APPL2: variants seen among roughly 807,000 people sequenced by gnomAD.
APPL2 encodes the protein DCC-interacting protein 13-beta.
APPL2 carries 84 observed loss-of-function variants against 92.7 expected under a neutral mutation model. That is an observed-to-expected ratio of 0.91 (90% confidence interval 0.76 to 1.09). The LOEUF is 1.09. Among genes scored for constraint, APPL2 ranks in the 50% least tolerant of loss-of-function variants. APPL2 has a pLI of 0.00. For synonymous variants in APPL2, 291 were observed against 291.0 expected (o/e 1.00, Z 0.00); for missense variants, 736 against 824.5 (o/e 0.89, Z 1.31).
At chr12:105,203,100 G>A (rs1366698553) in intron 9 of APPL2, among the ~76,000 whole-genome samples, 1 of 151,298 alleles carries the variant, frequency 6.6e-6, no homozygotes, top group Non-Finnish European at 1.5e-5. Context: ...CGTCGCAAGC[G>A]CTTGGGAAGC....
intron 8 of APPL2, among the ~76,000 whole-genome samples, chr12:105,205,880 G>A (rs184981913): frequency 2.3e-4 from 35 of 152,334 alleles, no homozygotes; most frequent in Non-Finnish European, 4.3e-4. Context: ...CAGCTCCCAA[G>A]ATCTGCTGAG....
chr12:105,198,116 G>A (rs1887828047), intron 10 of APPL2, among the ~76,000 whole-genome samples, 163 bp from the exon 11 acceptor site: 1 of 152,146 alleles, frequency 6.6e-6, no homozygotes, highest in African/African-American at 2.4e-5. Flanking sequence ...GCAGCAGAAG[G>A]GTACAATTTA....
intron 9 of APPL2, among the ~76,000 whole-genome samples, chr12:105,200,944 C>T (rs902320579): frequency 4.6e-5 from 7 of 151,838 alleles, no homozygotes; most frequent in South Asian, 2.1e-4. Context: ...AGTCTTGCTC[C>T]GCCACCCAGG....
At chr12:105,227,938 C>T (rs977060870) in intron 2 of APPL2, among the ~76,000 whole-genome samples, 2 of 152,198 alleles carry the variant, frequency 1.3e-5, no homozygotes, top group African/African-American at 4.8e-5. Context: ...TACAATCACC[C>T]TCCTTTTGCG....
At position 105,207,210 on chromosome 12, in the gene APPL2, G is replaced by C; in HGVS notation, c.475-3C>G. 1 of 1,609,790 alleles carries C rather than the reference G, an allele frequency of 6.2e-7. No homozygotes were observed. Among genetic ancestry groups the C allele is most frequent in the South Asian group, 1.1e-5 (1 of 90,330 alleles). On this transcript the variant is annotated splice_region_variant and splice_polypyrimidine_tract_variant and intron_variant, in intron 7 of 20. Coordinates refer to ENST00000258530, the MANE Select transcript of APPL2 (RefSeq NM_018171.5). ...TCTTTTCCGACTTCGGTCTTCACCT[G>C]GTTAAAAGGTGAAAGGAAAACTTCA...
chr12:105,189,750 G>A, intron 16 of APPL2, 22 bp downstream of exon 16: 1 of 1,612,746 alleles, frequency 6.2e-7, no homozygotes, highest in Non-Finnish European at 8.5e-7. Context: ...GAAAGAATAA[G>A]GACACCAAAC....
At chr12:105,212,512 G>T (rs1889309798) in intron 4 of APPL2, among the ~76,000 whole-genome samples, 1 of 152,218 alleles carries the variant, frequency 6.6e-6, no homozygotes, top group Admixed American at 6.5e-5. Context: ...TTAATCTGGG[G>T]CTGGTGAGAT....
intron 10 of APPL2, 33 bp from the exon 11 acceptor site, chr12:105,197,986 C>T (rs1428355254): frequency 1.3e-6 from 2 of 1,595,974 alleles, no homozygotes; most frequent in Non-Finnish European, 1.7e-6. Flanking sequence ...CCCATTAGTA[C>T]CAGAAAGCAC....
chr12:105,186,618 TATATATATC>T (rs145598808), intron 17 of APPL2, among the ~76,000 whole-genome samples: 1,246 of 107,228 alleles, frequency 0.012, 18 homozygotes, highest in African/African-American at 0.014. Flanking sequence ...ATATATATCA[TATATATATC>T]ATATATATCA....
At chr12:105,229,818 G>T in intron 1 of APPL2, 1 of 962,582 alleles carries the variant, frequency 1.0e-6, no homozygotes, top group Non-Finnish European at 1.2e-6. Context: ...CGCTCTTGTT[G>T]CCCAGGCTGG....
chr12:105,194,557 G>T (rs1305709855), intron 14 of APPL2, among the ~76,000 whole-genome samples: 1 of 152,022 alleles, frequency 6.6e-6, no homozygotes, highest in Non-Finnish European at 1.5e-5. Flanking sequence ...CAGGTGTGGT[G>T]GTGGGCGCCT....
At chr12:105,220,969 T>C (rs1890055102) in intron 2 of APPL2, among the ~76,000 whole-genome samples, 1 of 152,246 alleles carries the variant, frequency 6.6e-6, no homozygotes, top group Admixed American at 6.5e-5. Flanking sequence ...AGACCAACTA[T>C]GATTCTGTGC....
intron 2 of APPL2, among the ~76,000 whole-genome samples, chr12:105,222,543 G>A (rs1359173951): frequency 2.0e-5 from 3 of 152,322 alleles, no homozygotes; most frequent in East Asian, 3.9e-4. Flanking sequence ...AGGAACTGAG[G>A]AGGGGATATG....
intron 9 of APPL2, among the ~76,000 whole-genome samples, chr12:105,201,750 A>G (rs897488979): frequency 2.6e-5 from 4 of 152,212 alleles, no homozygotes; most frequent in African/African-American, 9.6e-5. Flanking sequence ...AAAATTATAT[A>G]TATCTGTTGA....
chr12:105,180,393 T>C (rs1885996866), intron 17 of APPL2, among the ~76,000 whole-genome samples: 1 of 152,334 alleles, frequency 6.6e-6, no homozygotes, highest in Middle Eastern at 3.4e-3. Flanking sequence ...GTAGTATAGT[T>C]TGAAGTCAGG....
chr12:105,177,511 T>A (rs1251660139), intron 17 of APPL2: 1 of 525,002 alleles, frequency 1.9e-6, no homozygotes, highest in Non-Finnish European at 3.4e-6. Flanking sequence ...TTCACAGGAT[T>A]CTGCAACTTA....
chr12:105,189,834 T>G lies in APPL2; in HGVS notation c.1407-10A>C. 6.2e-7 allele frequency: 1 copy of G among 1,614,168 alleles called. No homozygotes were observed. Among genetic ancestry groups the G allele is most frequent in the Non-Finnish European group, 8.5e-7 (1 of 1,180,022 alleles). ...AAAAGGGTTGGTACGCCTAGGGGAA[T>G]AGCCAGAGTTGAACAAACACGACAG... On this transcript the variant is annotated splice_polypyrimidine_tract_variant and intron_variant, in intron 15 of 20. Coordinates refer to ENST00000258530, the MANE Select transcript of APPL2 (RefSeq NM_018171.5).
intron 2 of APPL2, among the ~76,000 whole-genome samples, chr12:105,221,936 G>A (rs534179626): frequency 6.9e-4 from 105 of 152,358 alleles, no homozygotes; most frequent in African/African-American, 2.2e-3. Context: ...GCCTCTGTGC[G>A]CAGCAGCATC....
chr12:105,189,296 G>A (rs190768127), intron 16 of APPL2, among the ~76,000 whole-genome samples: 1 of 152,172 alleles, frequency 6.6e-6, no homozygotes, highest in Admixed American at 6.5e-5. Flanking sequence ...CTCCAAAAGT[G>A]CTGGGATTAC....
Sources: gnomAD v4.1 joint callset for allele counts (sites outside exome capture counted in the v4.1 genomes callset) on GRCh38, gnomAD v4.1.1 for gene constraint, MANE v1.5 for transcripts, NCBI Gene and HGNC (gene_info 2026-07-23, HGNC 2026-07-21) for gene names.